RYR2: variants seen among roughly 807,000 people sequenced by gnomAD.
RYR2 encodes cardiac muscle ryanodine receptor-calcium release channel.
In RYR2, 227 loss-of-function variants were observed where a neutral mutation model predicts 601.1. The observed-to-expected ratio is 0.38, with a 90% CI of 0.34 to 0.42. The LOEUF (loss-of-function observed/expected upper bound fraction) is 0.42. Ranked by LOEUF, RYR2 falls within the 10% of genes least tolerant of loss-of-function variation. RYR2 has a pLI of 1.00. For synonymous variants in RYR2, 2,223 were observed against 2,175.1 expected (o/e 1.02, Z -0.61); for missense variants, 4,646 against 6,156.5 (o/e 0.75, Z 8.21).
chr1:237,301,228 C>G (rs758048380), intron 2 of RYR2, among the ~76,000 whole-genome samples: 2 of 152,116 alleles, frequency 1.3e-5, no homozygotes, highest in Non-Finnish European at 2.9e-5. Flanking sequence ...ATGCTAATCT[C>G]TCTTTATGCT....
intron 96 of RYR2, among the ~76,000 whole-genome samples, chr1:237,797,630 G>A (rs1553330399): frequency 6.6e-6 from 1 of 152,016 alleles, no homozygotes; most frequent in Non-Finnish European, 1.5e-5. Context: ...CTAAGGTACA[G>A]TTTCTTTATC....
At chr1:237,796,907 C>T (rs554936877) in intron 96 of RYR2, among the ~76,000 whole-genome samples, 1 of 152,078 alleles carries the variant, frequency 6.6e-6, no homozygotes, top group Non-Finnish European at 1.5e-5. Context: ...ACCTCAGTCT[C>T]CCAAGTAGCT....
At chr1:237,781,403 T>C (rs1051534826) in intron 88 of RYR2, among the ~76,000 whole-genome samples, 162 bp from the exon 89 acceptor site, 1 of 152,238 alleles carries the variant, frequency 6.6e-6, no homozygotes, top group Non-Finnish European at 1.5e-5. Flanking sequence ...TTTTTAATTG[T>C]AAAGTATAAC....
At chr1:237,495,873 A>G (rs1664017829) in intron 19 of RYR2, among the ~76,000 whole-genome samples, 1 of 152,200 alleles carries the variant, frequency 6.6e-6, no homozygotes, top group Non-Finnish European at 1.5e-5. Context: ...GTCTCAGTTT[A>G]TGACATAAAT....
chr1:237,249,175 G>A (rs1687212024), intron 1 of RYR2, among the ~76,000 whole-genome samples: 1 of 152,128 alleles, frequency 6.6e-6, no homozygotes, highest in Admixed American at 6.5e-5. Context: ...AAATTTTGAT[G>A]AGAACCTTTA....
chr1:237,061,604 T>A (rs985421360), intron 1 of RYR2, among the ~76,000 whole-genome samples: 1 of 152,210 alleles, frequency 6.6e-6, no homozygotes, highest in African/African-American at 2.4e-5. Flanking sequence ...TGACCAGAAT[T>A]GTCTTTTTTA....
Position 237,503,250 on chromosome 1 carries a change from A to T in RYR2, c.2397-39A>T, listed in dbSNP as rs376915223. ...TGTGAATTAGAAAACTTTAATGTAC[A>T]CCAGAGATAAAATTGACTCTAACGT... On this transcript the variant is annotated intron_variant, in intron 21 of 104. Transcript: ENST00000366574. 139 of 1,529,368 alleles carry T rather than the reference A, an allele frequency of 9.1e-5. 1 individual carries two copies. The highest frequency in any genetic ancestry group is 1.2e-4 in the Non-Finnish European group (134 of 1,123,576). The allele number at this position is 1,529,368 out of a possible 1,614,324, so 94.7% of individuals were successfully genotyped here.
chr1:237,533,928 T>G (rs575467284), intron 25 of RYR2, among the ~76,000 whole-genome samples: 1 of 152,214 alleles, frequency 6.6e-6, no homozygotes, highest in East Asian at 1.9e-4. Flanking sequence ...TTTGTAGTTA[T>G]TTTATAATGA....
chr1:237,525,921 A>G (rs549184014), intron 24 of RYR2, among the ~76,000 whole-genome samples: 4 of 152,022 alleles, frequency 2.6e-5, no homozygotes, highest in African/African-American at 9.6e-5. Flanking sequence ...CGGAGGTTGC[A>G]GTGAGCCGAG....
At chr1:237,609,786 G>T (rs1677620546) in intron 35 of RYR2, among the ~76,000 whole-genome samples, 1 of 152,062 alleles carries the variant, frequency 6.6e-6, no homozygotes, top group South Asian at 2.1e-4. Flanking sequence ...CCAGGCCCAT[G>T]ACATCTCTTT....
intron 71 of RYR2, among the ~76,000 whole-genome samples, chr1:237,712,138 C>A (rs1035513029): frequency 6.6e-6 from 1 of 151,928 alleles, no homozygotes; most frequent in African/African-American, 2.4e-5. Context: ...CAGGGTCAGT[C>A]AGGAGGTAGA....
intron 80 of RYR2, among the ~76,000 whole-genome samples, chr1:237,746,191 T>C (rs1372497252): frequency 1.3e-5 from 2 of 152,184 alleles, no homozygotes; most frequent in Non-Finnish European, 2.9e-5. Flanking sequence ...AATTTAGACA[T>C]AGTCTAATAG....
chr1:237,400,302 A>G (rs1245013923), intron 10 of RYR2, among the ~76,000 whole-genome samples: 1 of 152,206 alleles, frequency 6.6e-6, no homozygotes, highest in East Asian at 1.9e-4. Flanking sequence ...CGGGATACCA[A>G]GCACTCAGCT....
chr1:237,830,431 T>C lies in RYR2; in HGVS notation c.14656-99T>C. 3.9e-6 allele frequency: 3 copies of C among 766,234 alleles called. No individual in the cohort carries two copies. In the South Asian group the frequency reaches 4.2e-5, roughly 11 times the overall value. The allele number at this position is 766,234 out of a possible 1,614,324, so 47.5% of individuals were successfully genotyped here. A position where few individuals can be genotyped will look rare whatever the true frequency, so the allele number is the denominator to read the frequency against. On this transcript the variant is annotated intron_variant, in intron 102 of 104. Coordinates refer to ENST00000366574, the MANE Select transcript of RYR2 (RefSeq NM_001035.3). ...CCATGTGATGATCTTTGACGTGTAT[T>C]GAGTGAACCAAATAATAGCTGCCCC...
At chr1:237,109,721 C>CAA (rs56185429) in intron 1 of RYR2, among the ~76,000 whole-genome samples, 21 of 66,788 alleles carry the variant, frequency 3.1e-4, no homozygotes, top group East Asian at 7.9e-4. Context: ...GACTCCGTCT[C>CAA]AAAAAAAAAA....
intron 1 of RYR2, among the ~76,000 whole-genome samples, chr1:237,210,388 GTT>G (rs72317807): frequency 0.025 from 3,725 of 151,944 alleles, 146 homozygotes; most frequent in African/African-American, 0.084. Context: ...ACAAAGGTCT[GTT>G]TTTTTTCTTG....
At chr1:237,770,740 TG>T in intron 84 of RYR2, 66 bp from the exon 85 acceptor site, 1 of 965,434 alleles carries the variant, frequency 1.0e-6, no homozygotes, top group Non-Finnish European at 1.6e-6. Context: ...TGTATGGAGG[TG>T]GGGACAGAAA....
intron 24 of RYR2, among the ~76,000 whole-genome samples, chr1:237,514,138 A>G (rs1666186266): frequency 6.6e-6 from 1 of 152,232 alleles, no homozygotes; most frequent in Non-Finnish European, 1.5e-5. Flanking sequence ...AGTAATTCAT[A>G]GCAGCTCATT....
At chr1:237,193,936 TCAAA>T (rs1204599324) in intron 1 of RYR2, among the ~76,000 whole-genome samples, 4 of 152,348 alleles carry the variant, frequency 2.6e-5, no homozygotes, top group South Asian at 2.1e-4. Context: ...TTCTCTTGCG[TCAAA>T]CATTCTCATA....
Sources: allele counts gnomAD v4.1 joint callset (sites outside exome capture counted in the v4.1 genomes callset), GRCh38; gene constraint gnomAD v4.1.1; transcripts MANE v1.5; gene names NCBI Gene and HGNC (gene_info 2026-07-23, HGNC 2026-07-21).